The following ZNF713 variants were observed in gnomAD, a reference collection of about 807,000 sequenced individuals.
The protein encoded by ZNF713 is zinc finger protein 713.
In ZNF713, 21 loss-of-function variants were observed where a neutral mutation model predicts 28.7. The observed-to-expected ratio is 0.73, with a 90% CI of 0.52 to 1.05. The LOEUF is 1.05. ZNF713 is among the 50% of genes least tolerant of loss of function. The pLI is 0.00. For synonymous variants in ZNF713, 167 were observed against 178.0 expected, an observed-to-expected ratio of 0.94 and a Z score of 0.49; for missense variants, 458 against 532.4, an observed-to-expected ratio of 0.86 and a Z score of 1.37.
chr7:55,888,205 C>A (rs558037444), intron 1 of ZNF713, among the ~76,000 whole-genome samples: 5 of 152,030 alleles, frequency 3.3e-5, no homozygotes, highest in East Asian at 1.9e-4. Flanking sequence ...AAAATATTTT[C>A]TTTTTCTCCT....
At chr7:55,919,260 G>T (rs1409252523) in intron 4 of ZNF713, among the ~76,000 whole-genome samples, 1 of 152,116 alleles carries the variant, frequency 6.6e-6, no homozygotes, top group Non-Finnish European at 1.5e-5. Context: ...TCACACCAAA[G>T]ATCTAACCCA....
At chr7:55,934,835 C>A (rs1278554876) in intron 6 of ZNF713, among the ~76,000 whole-genome samples, 1 of 151,202 alleles carries the variant, frequency 6.6e-6, no homozygotes, top group African/African-American at 2.4e-5. Flanking sequence ...AACAATTTGA[C>A]AGAATTTATC....
intron 6 of ZNF713, among the ~76,000 whole-genome samples, chr7:55,928,960 C>T (rs1786155672): frequency 7.6e-6 from 1 of 131,346 alleles, no homozygotes; most frequent in African/African-American, 3.0e-5. Context: ...GTTGAGAGCC[C>T]ATTTCTACCA....
chr7:55,902,993 C>CAAAAA (rs35706402), intron 1 of ZNF713, among the ~76,000 whole-genome samples: 14 of 80,786 alleles, frequency 1.7e-4, no homozygotes, highest in Non-Finnish European at 3.0e-4. Context: ...AACTCCGTCT[C>CAAAAA]AAAAAAAAAA....
intron 4 of ZNF713, among the ~76,000 whole-genome samples, chr7:55,914,181 T>C (rs1452523044): frequency 6.6e-6 from 1 of 152,094 alleles, no homozygotes; most frequent in African/African-American, 2.4e-5. Flanking sequence ...TTATATATTT[T>C]AAATTAAAAT....
chr7:55,918,052 CTG>C (rs769776591), intron 4 of ZNF713: 1 of 456,698 alleles, frequency 2.2e-6, no homozygotes, highest in African/African-American at 2.0e-5. Context: ...ATGTGGAGAT[CTG>C]TGTGCTCTCC....
intron 2 of ZNF713, among the ~76,000 whole-genome samples, chr7:55,909,721 T>C (rs2116209448): frequency 6.6e-6 from 1 of 152,310 alleles, no homozygotes. Context: ...CTTTCATCAG[T>C]GTTTTGTAAT....
intron 4 of ZNF713, among the ~76,000 whole-genome samples, chr7:55,921,711 T>C (rs767992661): frequency 2.6e-5 from 4 of 152,186 alleles, no homozygotes; most frequent in Non-Finnish European, 1.5e-5. Context: ...CAGTTCCTGG[T>C]GAAGATGCTT....
intron 1 of ZNF713, among the ~76,000 whole-genome samples, chr7:55,895,253 A>G (rs1043731798): frequency 4.6e-5 from 7 of 152,158 alleles, no homozygotes; most frequent in African/African-American, 1.4e-4. Context: ...TTCATGAGAT[A>G]CTGAAGGGAA....
At chr7:55,887,723 G>GCGCC (rs1785278132) in intron 1 of ZNF713, 43 bp downstream of exon 1, 1 of 10,486 alleles carries the variant, frequency 9.5e-5, no homozygotes, top group South Asian at 2.7e-3. Context: ...AGGCGGAGGC[G>GCGCC]GGGGGCGGAG....
chr7:55,893,163 G>A (rs1019249057), intron 1 of ZNF713, among the ~76,000 whole-genome samples: 1 of 152,030 alleles, frequency 6.6e-6, no homozygotes, highest in Non-Finnish European at 1.5e-5. Flanking sequence ...GATTACAGGC[G>A]TGAGCTACCG....
intron 6 of ZNF713, among the ~76,000 whole-genome samples, chr7:55,937,388 A>C (rs1786374530): frequency 6.6e-6 from 1 of 152,102 alleles, no homozygotes; most frequent in Non-Finnish European, 1.5e-5. Context: ...TTAAGCGGGG[A>C]AAGAAGCAAG....
At chr7:55,892,430 A>G (rs1288381472) in intron 1 of ZNF713, among the ~76,000 whole-genome samples, 1 of 151,798 alleles carries the variant, frequency 6.6e-6, no homozygotes, top group Non-Finnish European at 1.5e-5. Context: ...TCCCTATCAT[A>G]AGGGTCATGA....
At chr7:55,904,417 C>T (rs1785638776) in intron 1 of ZNF713, among the ~76,000 whole-genome samples, 1 of 44,136 alleles carries the variant, frequency 2.3e-5, no homozygotes, top group African/African-American at 7.4e-5. Context: ...GAGCTAAGAT[C>T]ACACCACTGC....
At chr7:55,925,466 C>T (rs1786080221) in intron 6 of ZNF713, among the ~76,000 whole-genome samples, 1 of 151,962 alleles carries the variant, frequency 6.6e-6, no homozygotes, top group Non-Finnish European at 1.5e-5. Flanking sequence ...ACTAAAAATA[C>T]AAAAATTAGC....
intron 2 of ZNF713, among the ~76,000 whole-genome samples, chr7:55,906,937 A>G (rs1224202076): frequency 1.3e-5 from 2 of 152,228 alleles, no homozygotes; most frequent in African/African-American, 2.4e-5. Context: ...GGTTTGTCCC[A>G]GCTGAAATCT....
intron 1 of ZNF713, among the ~76,000 whole-genome samples, chr7:55,894,124 T>A (rs541427553): frequency 6.6e-6 from 1 of 152,326 alleles, no homozygotes; most frequent in East Asian, 1.9e-4. Context: ...AGCTACCACA[T>A]GGCCTGCAGT....
At chr7:55,912,522 A>C in intron 3 of ZNF713, 113 bp from the exon 4 acceptor site, 1 of 693,802 alleles carries the variant, frequency 1.4e-6, no homozygotes, top group Non-Finnish European at 2.5e-6. Context: ...CTTTAGGCTT[A>C]TGTCTTAGAG....
chr7:55,932,725 A>C (rs34945348), intron 6 of ZNF713, among the ~76,000 whole-genome samples: 3,179 of 147,874 alleles, frequency 0.021, 57 homozygotes, highest in African/African-American at 0.04. Flanking sequence ...TCTACTAAAA[A>C]TACAAAAAAT....
Sources: allele counts gnomAD v4.1 joint callset (sites outside exome capture counted in the v4.1 genomes callset), GRCh38; gene constraint gnomAD v4.1.1; transcripts MANE v1.5; gene names NCBI Gene and HGNC (gene_info 2026-07-23, HGNC 2026-07-21).